The following CABLES1 variants were observed in gnomAD, a reference collection of about 807,000 sequenced individuals.
The protein encoded by CABLES1 is CDK5 and ABL1 enzyme substrate 1.
Under a neutral mutation model 57.8 loss-of-function variants are expected in CABLES1, and 36 were observed. The observed-to-expected ratio is 0.62, with a 90% CI of 0.48 to 0.82. CABLES1 has a LOEUF of 0.82. Among genes scored for constraint, CABLES1 ranks in the 40% least tolerant of loss-of-function variants. The pLI, the probability that CABLES1 is intolerant of heterozygous loss-of-function variation, is 0.00. For synonymous variants in CABLES1, 374 were observed against 363.0 expected (o/e 1.03, Z -0.35); for missense variants, 767 against 836.6 (o/e 0.92, Z 1.03).
At chr18:23,224,805 G>A (rs1314698431) in intron 4 of CABLES1, among the ~76,000 whole-genome samples, 1 of 151,908 alleles carries the variant, frequency 6.6e-6, no homozygotes, top group South Asian at 2.1e-4. Flanking sequence ...TCCTGACCTC[G>A]TGATCTGCCT....
chr18:23,207,983 A>T (rs2047376534), intron 3 of CABLES1, among the ~76,000 whole-genome samples: 1 of 152,182 alleles, frequency 6.6e-6, no homozygotes, highest in Non-Finnish European at 1.5e-5. Flanking sequence ...CATGCCCCCC[A>T]GTTCCCTGGC....
chr18:23,236,361 G>A (rs1181644227), intron 6 of CABLES1, among the ~76,000 whole-genome samples: 3 of 151,926 alleles, frequency 2.0e-5, no homozygotes, highest in African/African-American at 7.3e-5. Flanking sequence ...ACAATGACCT[G>A]GTTCTGTCCT....
intron 1 of CABLES1, among the ~76,000 whole-genome samples, chr18:23,176,533 G>A (rs1287922395): frequency 2.6e-5 from 4 of 152,078 alleles, no homozygotes; most frequent in East Asian, 1.9e-4. Context: ...TTTGGAGGCC[G>A]TCAATTTAGC....
At chr18:23,194,941 C>T (rs1312744369) in intron 3 of CABLES1, among the ~76,000 whole-genome samples, 2 of 152,206 alleles carry the variant, frequency 1.3e-5, no homozygotes, top group African/African-American at 2.4e-5. Flanking sequence ...CCCAGATATG[C>T]GCCTGAACTT....
At position 23,215,416 on chromosome 18, in the gene CABLES1, G is replaced by A. The variant is rs142401040; in HGVS notation, c.1088+1362G>A. On this transcript the variant is annotated intron_variant, in intron 4 of 9. Coordinates refer to ENST00000256925, the MANE Select transcript of CABLES1 (RefSeq NM_001100619.3). Reference sequence around the variant, plus strand: ...ATCTTATTACAAGTAGTAGCCGAAGGGCCCAGAATGTTTGAGTGTGACCAG... The same window carrying A: ...ATCTTATTACAAGTAGTAGCCGAAGAGCCCAGAATGTTTGAGTGTGACCAG... 4.4e-4 allele frequency among the ~76,000 whole-genome samples: 67 copies of A among 152,248 alleles called. 1 individual carries two copies. The East Asian group carries it at 0.012, about 28-fold the overall frequency.
intron 6 of CABLES1, among the ~76,000 whole-genome samples, chr18:23,236,499 T>A (rs767325119): frequency 6.6e-6 from 1 of 152,206 alleles, no homozygotes; most frequent in Non-Finnish European, 1.5e-5. Context: ...GAAGGAAGAC[T>A]TGCATGCTTC....
chr18:23,182,248 T>C (rs1191423088), intron 1 of CABLES1, among the ~76,000 whole-genome samples: 1 of 152,214 alleles, frequency 6.6e-6, no homozygotes, highest in Admixed American at 6.5e-5. Context: ...TTTTGGTCTT[T>C]TGCGGGCCTC....
chr18:23,254,343 G>A (rs17186875), intron 9 of CABLES1, among the ~76,000 whole-genome samples: 8 of 152,234 alleles, frequency 5.3e-5, no homozygotes, highest in East Asian at 1.9e-4. Flanking sequence ...GGGGAAAGGC[G>A]TGAGTTTGAC....
chr18:23,227,267 C>T (rs1334324047), intron 4 of CABLES1, among the ~76,000 whole-genome samples: 1 of 152,150 alleles, frequency 6.6e-6, no homozygotes, highest in South Asian at 2.1e-4. Context: ...CCACTTTCCC[C>T]AGAAAATTTT....
intron 9 of CABLES1, among the ~76,000 whole-genome samples, chr18:23,254,311 C>A (rs546441884): frequency 4.6e-5 from 7 of 152,354 alleles, no homozygotes; most frequent in Non-Finnish European, 7.3e-5. Flanking sequence ...TGGCTTCCTA[C>A]TTCCTTAGCT....
chr18:23,202,271 T>C (rs534207155), intron 3 of CABLES1, among the ~76,000 whole-genome samples: 61 of 152,210 alleles, frequency 4.0e-4, no homozygotes, highest in African/African-American at 1.3e-3. Flanking sequence ...AGAGGGTGGG[T>C]GGGTATTATC....
intron 1 of CABLES1, among the ~76,000 whole-genome samples, chr18:23,139,516 G>C (rs1405302143): frequency 6.6e-6 from 1 of 151,994 alleles, no homozygotes; most frequent in Non-Finnish European, 1.5e-5. Context: ...ATAATTGCTT[G>C]GACTTCCAAA....
At chr18:23,183,304 A>G (rs1224298456) in intron 1 of CABLES1, among the ~76,000 whole-genome samples, 1 of 152,114 alleles carries the variant, frequency 6.6e-6, no homozygotes, top group Non-Finnish European at 1.5e-5. Flanking sequence ...GGGTAAGTGA[A>G]CTTATTCTAA....
At chr18:23,199,807 G>A (rs7236130) in intron 3 of CABLES1, among the ~76,000 whole-genome samples, 10,470 of 152,214 alleles carry the variant, frequency 0.069, 694 homozygotes, top group Admixed American at 0.17. Flanking sequence ...ACACTGAATA[G>A]CACACTGATT....
At chr18:23,195,026 C>T (rs2047272097) in intron 3 of CABLES1, among the ~76,000 whole-genome samples, 1 of 152,212 alleles carries the variant, frequency 6.6e-6, no homozygotes, top group African/African-American at 2.4e-5. Flanking sequence ...TTCCTCAGTG[C>T]TGATCCTGCT....
At chr18:23,252,888 C>T (rs1238029007) in intron 7 of CABLES1, 72 bp from the exon 8 acceptor site, 8 of 1,003,864 alleles carry the variant, frequency 8.0e-6, no homozygotes, top group East Asian at 7.4e-5. Context: ...GTAAGTTGGT[C>T]GTAGTTGGTG....
intron 1 of CABLES1, among the ~76,000 whole-genome samples, chr18:23,153,091 C>T (rs916631636): frequency 1.3e-5 from 2 of 151,658 alleles, no homozygotes; most frequent in Admixed American, 6.6e-5. Context: ...TGAGCCACTA[C>T]GCCTGGCTGG....
At chr18:23,149,345 A>C (rs1304540406) in intron 1 of CABLES1, among the ~76,000 whole-genome samples, 1 of 151,972 alleles carries the variant, frequency 6.6e-6, no homozygotes. Context: ...GCAGTACTAC[A>C]ATCTTGGCTC....
At chr18:23,180,155 T>C (rs1038920117) in intron 1 of CABLES1, among the ~76,000 whole-genome samples, 9 of 152,244 alleles carry the variant, frequency 5.9e-5, no homozygotes, top group Admixed American at 3.9e-4. Flanking sequence ...TCTCCTGACC[T>C]CGTGATCCAC....
Sources: allele counts gnomAD v4.1 joint callset (sites outside exome capture counted in the v4.1 genomes callset), GRCh38; gene constraint gnomAD v4.1.1; transcripts MANE v1.5; gene names NCBI Gene and HGNC (gene_info 2026-07-23, HGNC 2026-07-21).